The following RNF144A variants were observed in gnomAD, a reference collection of about 807,000 sequenced individuals.
RNF144A encodes E3 ubiquitin-protein ligase RNF144A.
A neutral mutation model predicts 38.7 loss-of-function variants in RNF144A; 11 were observed. The observed-to-expected ratio is 0.28, with a 90% CI of 0.18 to 0.47. RNF144A has a LOEUF of 0.47. RNF144A is among the 20% of genes least tolerant of loss of function. The pLI is 0.99. For missense variants in RNF144A, 316 were observed against 377.2 expected, an observed-to-expected ratio of 0.84 and a Z score of 1.34; for synonymous variants, 149 against 143.9, an observed-to-expected ratio of 1.04 and a Z score of -0.25.
intron 2 of RNF144A, among the ~76,000 whole-genome samples, chr2:6,982,569 C>T (rs1430881993): frequency 1.3e-5 from 2 of 152,190 alleles, no homozygotes; most frequent in Non-Finnish European, 1.5e-5. Flanking sequence ...TACAGCTTAA[C>T]ATTTTTCCTT....
intron 1 of RNF144A, among the ~76,000 whole-genome samples, chr2:6,920,116 G>T (rs1664439198): frequency 6.6e-6 from 1 of 152,234 alleles, no homozygotes; most frequent in Non-Finnish European, 1.5e-5. Flanking sequence ...GCGGCGGCAG[G>T]GTTGGGAGCT....
intron 6 of RNF144A, among the ~76,000 whole-genome samples, chr2:7,052,314 G>A (rs964453762): frequency 6.6e-6 from 1 of 152,094 alleles, no homozygotes; most frequent in Non-Finnish European, 1.5e-5. Flanking sequence ...GAGGAGCCCC[G>A]GCACTTTTCA....
intron 1 of RNF144A, among the ~76,000 whole-genome samples, chr2:6,923,398 C>G (rs1664665236): frequency 6.6e-6 from 1 of 152,204 alleles, no homozygotes. Context: ...TCCAGCCACG[C>G]TCGTTGCCCA....
intron 2 of RNF144A, among the ~76,000 whole-genome samples, chr2:6,987,956 T>G (rs1235465089): frequency 6.6e-6 from 1 of 152,240 alleles, no homozygotes; most frequent in African/African-American, 2.4e-5. Flanking sequence ...GTACCTTTCT[T>G]GGACTGTGAT....
intron 5 of RNF144A, among the ~76,000 whole-genome samples, chr2:7,016,299 A>G (rs1671135131): frequency 6.6e-6 from 1 of 152,200 alleles, no homozygotes. Flanking sequence ...ACGTAGGGCA[A>G]TAAAATTGAT....
intron 2 of RNF144A, among the ~76,000 whole-genome samples, chr2:6,984,652 G>A (rs1364386553): frequency 6.6e-6 from 1 of 152,222 alleles, no homozygotes; most frequent in African/African-American, 2.4e-5. Context: ...GTTGTAGCAT[G>A]TGGGAATAAC....
At chr2:6,949,468 GCATCAT>G (rs1424414341) in intron 2 of RNF144A, among the ~76,000 whole-genome samples, 1 of 148,670 alleles carries the variant, frequency 6.7e-6, no homozygotes, top group Non-Finnish European at 1.5e-5. Context: ...AATTGAAAGT[GCATCAT>G]CTGAGGAAGG....
intron 2 of RNF144A, among the ~76,000 whole-genome samples, chr2:6,950,709 A>T: frequency 6.6e-6 from 1 of 152,214 alleles, no homozygotes; most frequent in African/African-American, 2.4e-5. Flanking sequence ...TTATCCTAAC[A>T]CTTGGCATTA....
chr2:6,989,041 C>T (rs569091178), intron 2 of RNF144A, among the ~76,000 whole-genome samples: 3 of 152,264 alleles, frequency 2.0e-5, no homozygotes, highest in African/African-American at 7.2e-5. Flanking sequence ...GCTGTTTGTC[C>T]AGTGAACCCT....
In RNF144A at chr2:7,000,583, T is replaced by C. The variant is rs149325440; in HGVS notation, c.135+3522T>C. Among the ~76,000 whole-genome samples the C allele has an allele frequency of 1.5e-3, 230 of 152,310 alleles. 4 individuals carry two copies. The East Asian group carries it at 0.039, about 26-fold the overall frequency. On this transcript the variant is annotated intron_variant, in intron 3 of 8. Coordinates refer to ENST00000320892, the MANE Select transcript of RNF144A (RefSeq NM_014746.6). ...GACAGTTACACTGAGAATGTTAATA[T>C]GGTGTTACTGCTGGCAGAGTTGTTT...
At chr2:6,968,332 T>A (rs1402758148) in intron 2 of RNF144A, among the ~76,000 whole-genome samples, 1 of 152,226 alleles carries the variant, frequency 6.6e-6, no homozygotes, top group African/African-American at 2.4e-5. Flanking sequence ...GCACAGTACT[T>A]TCTTCTATTA....
At chr2:7,044,299 A>C, downstream of RNF144A, 1 of 659,170 alleles carries the variant, frequency 1.5e-6, no homozygotes, top group Non-Finnish European at 1.9e-6. Flanking sequence ...CAATGTGGGA[A>C]CTGGGGGTGG....
chr2:6,986,925 G>A (rs16865775), intron 2 of RNF144A, among the ~76,000 whole-genome samples: 352 of 152,194 alleles, frequency 2.3e-3, no homozygotes, highest in African/African-American at 7.5e-3. Context: ...ATGAGTCGAT[G>A]TTTGATTTTG....
At chr2:6,953,112 A>G (rs895536491) in intron 2 of RNF144A, among the ~76,000 whole-genome samples, 3 of 152,182 alleles carry the variant, frequency 2.0e-5, no homozygotes, top group African/African-American at 7.2e-5. Flanking sequence ...TTTTTAAAAT[A>G]TAAGCATTTA....
At chr2:7,027,563 G>T (rs1396065223) in intron 7 of RNF144A, among the ~76,000 whole-genome samples, 1 of 152,226 alleles carries the variant, frequency 6.6e-6, no homozygotes, top group African/African-American at 2.4e-5. Context: ...GTTAGATCAG[G>T]CTGTGTCAAG....
At chr2:6,984,548 C>T (rs1430081234) in intron 2 of RNF144A, among the ~76,000 whole-genome samples, 2 of 152,130 alleles carry the variant, frequency 1.3e-5, no homozygotes, top group African/African-American at 2.4e-5. Context: ...ATGATCCGCC[C>T]GCCTCAGCCT....
Position 7,039,938 on chromosome 2 carries a change from C to T in RNF144A, c.*178C>T. Reference sequence around the variant, plus strand: ...CTATGTCACAATGTTCGCTGAGGCCCCAGGTGTGGTGGGGAGGGGAGGCAG... The same window carrying T: ...CTATGTCACAATGTTCGCTGAGGCCTCAGGTGTGGTGGGGAGGGGAGGCAG... On this transcript the variant is annotated 3_prime_UTR_variant, in exon 9 of 9. Coordinates refer to ENST00000320892, the MANE Select transcript of RNF144A (RefSeq NM_014746.6). 7.1e-7 allele frequency: 1 copy of T among 1,417,094 alleles called. No individual in the cohort carries two copies. Among genetic ancestry groups the T allele is most frequent in the Non-Finnish European group, 9.2e-7 (1 of 1,087,190 alleles). The allele number at this position is 1,417,094 out of a possible 1,614,324, so 87.8% of individuals were successfully genotyped here. A position where few individuals can be genotyped will look rare whatever the true frequency, so the allele number is the denominator to read the frequency against.
chr2:7,049,447 C>A (rs989858141), intron 6 of RNF144A, among the ~76,000 whole-genome samples: 2 of 152,028 alleles, frequency 1.3e-5, no homozygotes, highest in African/African-American at 4.8e-5. Context: ...GAGAGAAAAC[C>A]TCTGGAGATT....
At chr2:6,961,976 G>A (rs1471202306) in intron 2 of RNF144A, among the ~76,000 whole-genome samples, 1 of 152,188 alleles carries the variant, frequency 6.6e-6, no homozygotes, top group African/African-American at 2.4e-5. Context: ...TTGTTTCATG[G>A]CCAGGGAGAA....
Sources: allele counts gnomAD v4.1 joint callset (sites outside exome capture counted in the v4.1 genomes callset), GRCh38; gene constraint gnomAD v4.1.1; transcripts MANE v1.5; gene names NCBI Gene and HGNC (gene_info 2026-07-23, HGNC 2026-07-21).